The following RBPJ variants were observed in gnomAD, a reference collection of about 807,000 sequenced individuals.
RBPJ encodes the protein recombining binding protein suppressor of hairless.
In RBPJ, 9 loss-of-function variants were observed where a neutral mutation model predicts 67.8. The ratio of observed to expected loss-of-function variants is 0.13; its 90% CI spans 0.08 to 0.23. The LOEUF is 0.23. Ranked by LOEUF, RBPJ falls within the 10% of genes least tolerant of loss-of-function variation. The pLI is 1.00. For synonymous variants in RBPJ, 198 were observed against 203.3 expected (o/e 0.97, Z 0.22); for missense variants, 305 against 595.6 (o/e 0.51, Z 5.08).
At chr4:26,145,884 G>A in the RBPJ span, among the ~76,000 whole-genome samples, 1 of 152,134 alleles carries the variant, frequency 6.6e-6, no homozygotes, top group Non-Finnish European at 1.5e-5. Flanking sequence ...ATAGATCAAT[G>A]GAACAGACTT....
chr4:26,118,815 T>C, the RBPJ span, among the ~76,000 whole-genome samples: 2 of 152,242 alleles, frequency 1.3e-5, no homozygotes, highest in Non-Finnish European at 1.5e-5. Flanking sequence ...GGTATTCTTT[T>C]GACTTCCCCA....
intron 1 of RBPJ, among the ~76,000 whole-genome samples, chr4:26,242,324 T>C (rs1041827772): frequency 1.3e-5 from 2 of 151,792 alleles, no homozygotes; most frequent in Non-Finnish European, 2.9e-5. Flanking sequence ...GGCGGGCGCC[T>C]GTAGTCCCAG....
rs112906507 is a variant in RBPJ at position 26,221,880 on chromosome 4, C to G, written c.-167+58266C>G. ...GACTCATGCCAGTGCAATGCTGTGT[C>G]CCCACTCCCAATGTGCGGCCCAGCG... On this transcript the variant is annotated intron_variant, in intron 1 of 4. Coordinates refer to the RBPJ transcript ENST00000512351. Among the ~76,000 whole-genome samples, 1,114 of 152,274 alleles carry G rather than the reference C, an allele frequency of 7.3e-3. 15 individuals are homozygous for G. Among genetic ancestry groups the G allele is most frequent in the African/African-American group, 0.025 (1,031 of 41,548 alleles).
chr4:26,220,588 G>A (rs1376348199), intron 1 of RBPJ, among the ~76,000 whole-genome samples: 1 of 152,216 alleles, frequency 6.6e-6, no homozygotes, highest in East Asian at 1.9e-4. Context: ...TCACAGCATC[G>A]CTTGCCTCTC....
At chr4:26,253,514 T>C (rs1251928243) in intron 1 of RBPJ, among the ~76,000 whole-genome samples, 1 of 151,270 alleles carries the variant, frequency 6.6e-6, no homozygotes, top group Non-Finnish European at 1.5e-5. Context: ...GGTTTCACCG[T>C]TGTAGCCGGG....
At chr4:26,245,203 A>ATTTT (rs869234645) in intron 1 of RBPJ, among the ~76,000 whole-genome samples, 106 of 98,388 alleles carry the variant, frequency 1.1e-3, no homozygotes, top group Non-Finnish European at 1.4e-3. Context: ...TCACTATTGT[A>ATTTT]TTTTTTTTTT....
At chr4:26,321,169 C>A in intron 1 of RBPJ, 121 bp downstream of exon 1, 1 of 422,856 alleles carries the variant, frequency 2.4e-6, no homozygotes, top group Non-Finnish European at 3.6e-6. Context: ...GCGGGGGCGG[C>A]GTCGCGTGCG....
At chr4:26,347,555 C>CAG (rs1726292047) in intron 1 of RBPJ, among the ~76,000 whole-genome samples, 3 of 152,156 alleles carry the variant, frequency 2.0e-5, no homozygotes, top group Admixed American at 2.0e-4. Flanking sequence ...TTTAGGATTT[C>CAG]AGAGACCCTG....
chr4:26,187,465 T>C (rs1319234672), intron 1 of RBPJ, among the ~76,000 whole-genome samples: 1 of 108,810 alleles, frequency 9.2e-6, no homozygotes, highest in African/African-American at 3.8e-5. Flanking sequence ...AAAAACATCT[T>C]CTCGAAGTAA....
chr4:26,247,126 G>A (rs777447863), intron 1 of RBPJ, among the ~76,000 whole-genome samples: 75 of 151,734 alleles, frequency 4.9e-4, no homozygotes, highest in Non-Finnish European at 9.4e-4. Context: ...TTTTTGTGGT[G>A]CAGCAAATTA....
upstream of RBPJ, chr4:26,320,591 C>T: frequency 2.7e-6 from 2 of 728,280 alleles, no homozygotes; most frequent in East Asian, 2.9e-5. Context: ...TCATCTAGGC[C>T]TGTGAAACGC....
At chr4:26,376,835 T>C (rs1729796752) in intron 1 of RBPJ, among the ~76,000 whole-genome samples, 1 of 152,234 alleles carries the variant, frequency 6.6e-6, no homozygotes, top group Non-Finnish European at 1.5e-5. Context: ...ATCAGAGCCA[T>C]CCTAATGGGT....
At chr4:26,226,864 G>C (rs569820649) in intron 1 of RBPJ, among the ~76,000 whole-genome samples, 4 of 152,262 alleles carry the variant, frequency 2.6e-5, no homozygotes, top group African/African-American at 9.6e-5. Flanking sequence ...GAGAAGACTA[G>C]GCTGAACATC....
intron 1 of RBPJ, among the ~76,000 whole-genome samples, chr4:26,244,309 A>ATG (rs369937305): frequency 7.8e-5 from 6 of 77,068 alleles, no homozygotes; most frequent in African/African-American, 1.9e-4. Context: ...GTGTACACAT[A>ATG]TGTGTGTATA....
At chr4:26,214,210 A>G (rs1560213473) in intron 1 of RBPJ, among the ~76,000 whole-genome samples, 2 of 150,226 alleles carry the variant, frequency 1.3e-5, no homozygotes, top group Non-Finnish European at 3.0e-5. Flanking sequence ...GGAAGGAGAG[A>G]AAGAAAGCAA....
At chr4:26,340,851 C>T (rs1235974037) in intron 1 of RBPJ, among the ~76,000 whole-genome samples, 2 of 150,036 alleles carry the variant, frequency 1.3e-5, no homozygotes, top group Admixed American at 6.6e-5. Flanking sequence ...GAGTGAGACT[C>T]CGTCTCAAAA....
At chr4:26,328,990 G>C (rs1723945857) in intron 1 of RBPJ, among the ~76,000 whole-genome samples, 1 of 152,050 alleles carries the variant, frequency 6.6e-6, no homozygotes, top group Non-Finnish European at 1.5e-5. Flanking sequence ...AAGGTATTGA[G>C]GTTTTTGTTT....
At chr4:26,182,883 T>A (rs1481198858) in intron 1 of RBPJ, among the ~76,000 whole-genome samples, 2 of 152,186 alleles carry the variant, frequency 1.3e-5, no homozygotes, top group Non-Finnish European at 2.9e-5. Context: ...TATCACTGTC[T>A]TCTCCCTCCA....
chr4:26,404,937 G>T (rs1361673319), intron 2 of RBPJ, among the ~76,000 whole-genome samples: 3 of 152,048 alleles, frequency 2.0e-5, no homozygotes, highest in African/African-American at 7.2e-5. Flanking sequence ...TCCCTTATTG[G>T]TGCTTTTTGT....
Sources: gnomAD v4.1 joint callset for allele counts (sites outside exome capture counted in the v4.1 genomes callset) on GRCh38, gnomAD v4.1.1 for gene constraint, MANE v1.5 for transcripts, NCBI Gene and HGNC (gene_info 2026-07-23, HGNC 2026-07-21) for gene names.